The following FSTL4 variants were observed in gnomAD, a reference collection of about 807,000 sequenced individuals.
FSTL4 encodes the protein follistatin-related protein 4.
FSTL4 carries 28 observed loss-of-function variants against 78.2 expected under a neutral mutation model. That is an observed-to-expected ratio of 0.36 (90% CI 0.27 to 0.49). The LOEUF (loss-of-function observed/expected upper bound fraction) is 0.49, where lower values mean the gene tolerates loss of function less well. Ranked by LOEUF, FSTL4 falls within the 20% of genes least tolerant of loss-of-function variation. The probability of loss-of-function intolerance (pLI) is 0.98; values close to 1 mark genes in which losing one functional copy is unlikely to be tolerated. For synonymous variants in FSTL4, 422 were observed against 440.5 expected (o/e 0.96, Z 0.53); for missense variants, 922 against 1,084.9 (o/e 0.85, Z 2.11).
chr5:133,220,926 C>T (rs2126787078), intron 11 of FSTL4, 60 bp from the exon 12 acceptor site: 2 of 955,386 alleles, frequency 2.1e-6, no homozygotes, highest in Admixed American at 3.4e-5. Context: ...GGCAGGGTCA[C>T]ACGCAGCATT....
Position 133,217,187 on chromosome 5 carries a change from C to A in FSTL4, c.1608+42G>T. 1.9e-6 allele frequency: 3 copies of A among 1,560,244 alleles called. No individual in the cohort carries two copies. In the South Asian group the frequency reaches 3.4e-5, roughly 18 times the overall value. On this transcript the variant is annotated intron_variant, in intron 13 of 15. Transcript: ENST00000265342. ...CAAAGAAGAATGTGGCAGGCTGTGC[C>A]CCAGAATTTGAAGTTTTCCTCACTC... is the stretch of plus-strand genomic sequence containing the variant.
At chr5:133,351,814 G>A (rs1754830018) in intron 4 of FSTL4, among the ~76,000 whole-genome samples, 3 of 151,990 alleles carry the variant, frequency 2.0e-5, no homozygotes, top group Admixed American at 2.0e-4. Flanking sequence ...TGCCATGTTG[G>A]TCAGGCTGGT....
intron 3 of FSTL4, among the ~76,000 whole-genome samples, chr5:133,492,480 A>C (rs1758286861): frequency 6.6e-6 from 1 of 152,196 alleles, no homozygotes; most frequent in Non-Finnish European, 1.5e-5. Flanking sequence ...TTCACTCTCA[A>C]ACAGAATTCT....
the FSTL4 span, among the ~76,000 whole-genome samples, chr5:133,684,148 T>G: frequency 6.6e-6 from 1 of 152,336 alleles, no homozygotes; most frequent in East Asian, 1.9e-4. Flanking sequence ...AAGGGATCAT[T>G]AAGCTCTGCG....
At chr5:133,473,007 C>T (rs1044617072) in intron 3 of FSTL4, among the ~76,000 whole-genome samples, 1 of 152,222 alleles carries the variant, frequency 6.6e-6, no homozygotes, top group Non-Finnish European at 1.5e-5. Context: ...CATGACCTTG[C>T]TTTCTCAGCA....
In FSTL4 at chr5:133,312,640, G is replaced by A. The variant is rs184034775; in HGVS notation, c.727+14C>T. ...TGCAGAAATAAGCCCTTTTCCCACT[G>A]GGACCCAACTTACGGAAGGCCATGT... On this transcript the variant is annotated intron_variant, in intron 6 of 15. Coordinates refer to ENST00000265342, the MANE Select transcript of FSTL4 (RefSeq NM_015082.2). 16 of 1,613,434 alleles carry A rather than the reference G, an allele frequency of 9.9e-6. No homozygotes were observed. In the East Asian group the frequency reaches 2.0e-4, roughly 20 times the overall value.
chr5:133,743,054 C>T, the FSTL4 span, among the ~76,000 whole-genome samples: 2 of 152,158 alleles, frequency 1.3e-5, no homozygotes, highest in Non-Finnish European at 2.9e-5. Context: ...TCAAAGCAAT[C>T]ATCTCTCCTA....
the FSTL4 span, among the ~76,000 whole-genome samples, chr5:133,783,867 C>G: frequency 6.6e-6 from 1 of 152,128 alleles, no homozygotes; most frequent in African/African-American, 2.4e-5. Flanking sequence ...TTCCTTTCCA[C>G]TGCCCCCGCC....
the FSTL4 span, among the ~76,000 whole-genome samples, chr5:133,819,976 A>T: frequency 6.6e-6 from 1 of 152,192 alleles, no homozygotes; most frequent in African/African-American, 2.4e-5. Flanking sequence ...GCTCATAGGT[A>T]CACTGACTTG....
chr5:133,199,416 G>A lies in FSTL4; in HGVS notation c.2208C>T (p.Asp736=). Residue 736 remains aspartate (D), a synonymous_variant, in exon 16 of 16, where the codon GAC becomes GAT. Transcript: ENST00000265342. This position sits in a 1 kb window ranked among gnomAD's most constrained non-coding sequence, Gnocchi z 4.4. ...YDLQINSGIS[D]LAFQRSFTES... is the part of the protein sequence containing the mutation. Reference sequence around the variant, plus strand: ...CAGTGAAGGAGCGCTGGAAGGCCAAGTCTGAGATGCCCGAGTTTATTTGCA... The same window carrying A: ...CAGTGAAGGAGCGCTGGAAGGCCAAATCTGAGATGCCCGAGTTTATTTGCA... 1 of 1,614,234 alleles carries A rather than the reference G, an allele frequency of 6.2e-7. No homozygotes were observed.
chr5:133,649,515 G>A, the FSTL4 span, among the ~76,000 whole-genome samples: 1 of 152,192 alleles, frequency 6.6e-6, no homozygotes, highest in Admixed American at 6.5e-5. Flanking sequence ...CATTTCTGTT[G>A]CTCTACAACA....
chr5:133,506,273 C>T (rs1306231911), intron 3 of FSTL4, among the ~76,000 whole-genome samples: 3 of 152,174 alleles, frequency 2.0e-5, no homozygotes, highest in Non-Finnish European at 4.4e-5. Context: ...ACACAGGATC[C>T]GTTGGAGCCA....
intron 3 of FSTL4, among the ~76,000 whole-genome samples, chr5:133,402,495 T>A (rs994704651): frequency 2.6e-5 from 4 of 151,764 alleles, no homozygotes; most frequent in South Asian, 2.1e-4. Flanking sequence ...TAAATCTCCA[T>A]CAAAATACTC....
chr5:133,714,425 G>A, the FSTL4 span, among the ~76,000 whole-genome samples: 3 of 152,128 alleles, frequency 2.0e-5, no homozygotes, highest in Non-Finnish European at 4.4e-5. Flanking sequence ...CCAAGCCCAC[G>A]CTCTTAACCC....
intron 3 of FSTL4, among the ~76,000 whole-genome samples, chr5:133,402,083 G>A (rs1756242057): frequency 6.6e-6 from 1 of 152,102 alleles, no homozygotes; most frequent in Non-Finnish European, 1.5e-5. Context: ...CATGACACAC[G>A]TCATCAGGGG....
intron 6 of FSTL4, among the ~76,000 whole-genome samples, chr5:133,280,664 AC>A (rs1028104326): frequency 1.3e-5 from 2 of 152,078 alleles, no homozygotes; most frequent in African/African-American, 4.8e-5. Flanking sequence ...GCCTGGGAAC[AC>A]ACATCCTCCA....
chr5:133,519,960 T>C (rs758935277), intron 3 of FSTL4, among the ~76,000 whole-genome samples: 8 of 152,238 alleles, frequency 5.3e-5, no homozygotes, highest in Non-Finnish European at 8.8e-5. Context: ...AACAAGTAGC[T>C]AGAGTAGACC....
At chr5:133,675,987 C>A in the FSTL4 span, among the ~76,000 whole-genome samples, 2 of 152,112 alleles carry the variant, frequency 1.3e-5, no homozygotes, top group African/African-American at 4.8e-5. Flanking sequence ...TGTGACTCTG[C>A]CACCTAGACA....
intron 4 of FSTL4, among the ~76,000 whole-genome samples, chr5:133,362,644 C>T (rs1232366223): frequency 6.6e-6 from 1 of 152,258 alleles, no homozygotes; most frequent in Non-Finnish European, 1.5e-5. Flanking sequence ...TGCCTGTGCA[C>T]ATGGGAAGGC....
Sources: gnomAD v4.1 joint callset for allele counts (sites outside exome capture counted in the v4.1 genomes callset) on GRCh38, gnomAD v4.1.1 for gene constraint, Gnocchi (gnomAD v3.1) non-coding constraint, MANE v1.5 for transcripts, NCBI Gene and HGNC (gene_info 2026-07-23, HGNC 2026-07-21) for gene names.